The following OPCML variants were observed in gnomAD, a reference collection of about 807,000 sequenced individuals.
The protein encoded by OPCML is opioid binding protein/cell adhesion molecule like, also known as opioid-binding protein/cell adhesion molecule.
Under a neutral mutation model 37.8 loss-of-function variants are expected in OPCML, and 13 were observed. The observed-to-expected ratio is 0.34, with a 90% CI of 0.22 to 0.55. The LOEUF is 0.55. Among genes scored for constraint, OPCML ranks in the 20% least tolerant of loss-of-function variants. The pLI, the probability that OPCML is intolerant of heterozygous loss-of-function variation, is 0.91. For synonymous variants in OPCML, 176 were observed against 168.8 expected, an observed-to-expected ratio of 1.04 and a Z score of -0.33; for missense variants, 341 against 435.6, an observed-to-expected ratio of 0.78 and a Z score of 1.93.
At chr11:132,558,297 TCCC>T (rs2096400826) in intron 3 of OPCML, among the ~76,000 whole-genome samples, 1 of 72,626 alleles carries the variant, frequency 1.4e-5, no homozygotes, top group Admixed American at 1.5e-4. Context: ...CTTCCTCTTC[TCCC>T]CTCCTCCTCT....
rs558581325 is a variant in OPCML at position 132,450,053 on chromosome 11, G to T, written c.506-12694C>A. On this transcript the variant is annotated intron_variant, in intron 4 of 7. Transcript: ENST00000524381. Reference sequence around the variant, plus strand: ...GGAGATGGAGCCTTGAGCATGCTGTGATGTGACATGGTGGCTGCAGCCAGG... The same window carrying T: ...GGAGATGGAGCCTTGAGCATGCTGTTATGTGACATGGTGGCTGCAGCCAGG... 2.3e-4 allele frequency among the ~76,000 whole-genome samples: 35 copies of T among 152,290 alleles called. 1 individual carries two copies. The South Asian group carries it at 7.0e-3, about 31-fold the overall frequency.
At chr11:133,132,153 C>T (rs143619497) in intron 1 of OPCML, among the ~76,000 whole-genome samples, 1,856 of 152,234 alleles carry the variant, frequency 0.012, 49 homozygotes, top group African/African-American at 0.041. Flanking sequence ...AACTTGTAGA[C>T]AGAATACACA....
At chr11:132,987,012 A>G (rs577140786) in intron 1 of OPCML, among the ~76,000 whole-genome samples, 1 of 152,156 alleles carries the variant, frequency 6.6e-6, no homozygotes, top group Non-Finnish European at 1.5e-5. Context: ...GGAGCACAGG[A>G]CTTCAAGACG....
intron 1 of OPCML, among the ~76,000 whole-genome samples, chr11:133,371,207 G>A (rs117065854): frequency 0.016 from 2,395 of 152,274 alleles, 30 homozygotes; most frequent in Non-Finnish European, 0.027. Flanking sequence ...GTACACTGTG[G>A]TGGGAATGCA....
chr11:132,734,803 G>T (rs1945196594), intron 2 of OPCML, among the ~76,000 whole-genome samples: 1 of 152,198 alleles, frequency 6.6e-6, no homozygotes, highest in African/African-American at 2.4e-5. Context: ...GGATATTGAT[G>T]AATGTTACAG....
At chr11:133,527,390 T>G (rs1948511223) in intron 1 of OPCML, among the ~76,000 whole-genome samples, 1 of 152,238 alleles carries the variant, frequency 6.6e-6, no homozygotes, top group Admixed American at 6.5e-5. Context: ...TTTCCTGTTT[T>G]ACTCGATTAA....
chr11:133,226,359 G>A (rs1336241911), intron 1 of OPCML, among the ~76,000 whole-genome samples: 1 of 152,158 alleles, frequency 6.6e-6, no homozygotes, highest in Non-Finnish European at 1.5e-5. Context: ...GGGGGTTAGG[G>A]GTGTTCCACT....
rs2096436017 is a variant in OPCML at position 132,570,791 on chromosome 11, A to ATATT, written c.380-41606_380-41605insAATA. ...TATATATATATATATATATATATAT[A>ATATT]TATATATATATTTAGAGAGAGAGAG... On this transcript the variant is annotated intron_variant, in intron 3 of 7. Transcript: ENST00000524381. 3.2e-5 allele frequency among the ~76,000 whole-genome samples: 4 copies of ATATT among 124,504 alleles called. No homozygotes were observed. The South Asian group carries it at 1.1e-3, about 33-fold the overall frequency. 81.7% of individuals were successfully genotyped at this position (124,504 alleles called of 152,430 possible).
chr11:133,064,505 C>T (rs1307696570), intron 1 of OPCML, among the ~76,000 whole-genome samples: 1 of 146,596 alleles, frequency 6.8e-6, no homozygotes, highest in African/African-American at 2.8e-5. Flanking sequence ...CTACCAGAGA[C>T]TGTCGCTGGC....
At chr11:132,681,408 G>A (rs575316136) in intron 2 of OPCML, among the ~76,000 whole-genome samples, 4 of 152,240 alleles carry the variant, frequency 2.6e-5, no homozygotes, top group South Asian at 2.1e-4. Context: ...ACTGCAGTTC[G>A]ACATGGGAGA....
At chr11:132,807,297 G>A (rs138024165) in intron 2 of OPCML, among the ~76,000 whole-genome samples, 334 of 152,118 alleles carry the variant, frequency 2.2e-3, no homozygotes, top group Admixed American at 3.5e-3. Context: ...ATTAAGCAAA[G>A]AAGGCCAAAT....
chr11:132,721,827 G>A (rs796687022), intron 2 of OPCML, among the ~76,000 whole-genome samples: 15 of 152,206 alleles, frequency 9.9e-5, no homozygotes, highest in African/African-American at 3.4e-4. Flanking sequence ...GGAAGTGAAG[G>A]AAAGGAGAGA....
In OPCML at chr11:132,456,993, G is replaced by A. The variant is rs1025095252; in HGVS notation, c.506-19634C>T. Among the ~76,000 whole-genome samples the A allele has an allele frequency of 1.3e-5, 2 of 152,166 alleles. 1 individual carries two copies. Among genetic ancestry groups the A allele is most frequent in the Non-Finnish European group, 2.9e-5 (2 of 68,028 alleles). ...ATGAAGATGATGACAATAGAATGTG[G>A]CTCATGCATGGGGGGAGGGATGCCG... is the stretch of plus-strand genomic sequence containing the variant. On this transcript the variant is annotated intron_variant, in intron 4 of 7. Coordinates refer to ENST00000524381, the MANE Select transcript of OPCML (RefSeq NM_001012393.5).
At chr11:133,175,657 C>CT (rs35382294) in intron 1 of OPCML, among the ~76,000 whole-genome samples, 47,766 of 142,372 alleles carry the variant, frequency 0.34, 8,206 homozygotes, top group Middle Eastern at 0.39. Context: ...AATTCACTGA[C>CT]TTTTTTTTTT....
intron 4 of OPCML, among the ~76,000 whole-genome samples, chr11:132,465,924 T>C (rs1433334923): frequency 6.6e-6 from 1 of 152,216 alleles, no homozygotes; most frequent in Non-Finnish European, 1.5e-5. Flanking sequence ...GTTGAGAAAC[T>C]AAAAGGGATC....
chr11:132,489,274 G>A (rs1221991541), intron 4 of OPCML, among the ~76,000 whole-genome samples: 1 of 152,124 alleles, frequency 6.6e-6, no homozygotes, highest in Non-Finnish European at 1.5e-5. Flanking sequence ...TTCAGGGGCA[G>A]TAACACACAT....
chr11:132,638,186 T>TATATATATAC lies in OPCML; in HGVS notation c.379+18900_379+18901insGTATATATAT, dbSNP rs71067383. On this transcript the variant is annotated intron_variant, in intron 3 of 7. Coordinates refer to ENST00000524381, the MANE Select transcript of OPCML (RefSeq NM_001012393.5). ...GACTATATATATATATATATATATATACAGAGAGAGAGAGAGCATATATAC... is the reference window on the plus strand; with the variant it reads ...GACTATATATATATATATATATATATATATATATACACAGAGAGAGAGAGAGCATATATAC... Among the ~76,000 whole-genome samples, 13 of 131,080 alleles carry TATATATATAC rather than the reference T, an allele frequency of 9.9e-5. 1 individual carries two copies. The highest frequency in any genetic ancestry group is 1.6e-4 in the Non-Finnish European group (10 of 60,728). The allele number at this position is 131,080 out of a possible 152,430, so 86.0% of individuals were successfully genotyped here.
In OPCML at chr11:133,173,407, T is replaced by TTAA. The variant is rs1385825455; in HGVS notation, c.62-230398_62-230397insTTA. Among the ~76,000 whole-genome samples, 15 of 152,182 alleles carry TTAA rather than the reference T, an allele frequency of 9.9e-5. No individual in the cohort carries two copies. The highest frequency in any genetic ancestry group is 1.9e-4 in the Non-Finnish European group (13 of 68,034). On this transcript the variant is annotated intron_variant, in intron 1 of 7. Transcript: ENST00000524381. The surrounding 1 kb of genome is among the most constrained non-coding windows in gnomAD (Gnocchi z 7.8). ...GTACAGATCCCAGTATGTTGCACAC[T>TTAA]GTAAGAACTTAAAAGAATAATAAAT...
At chr11:132,869,635 T>C (rs749485076) in intron 2 of OPCML, among the ~76,000 whole-genome samples, 2 of 152,228 alleles carry the variant, frequency 1.3e-5, no homozygotes, top group Non-Finnish European at 2.9e-5. Context: ...CACAGCATCA[T>C]CTGTACAATC....
Sources: allele counts gnomAD v4.1 joint callset (sites outside exome capture counted in the v4.1 genomes callset), GRCh38; gene constraint gnomAD v4.1.1; non-coding constraint Gnocchi (gnomAD v3.1); transcripts MANE v1.5; gene names NCBI Gene and HGNC (gene_info 2026-07-23, HGNC 2026-07-21).